Variants in ZMAT5 observed in about 807,000 individuals in gnomAD.
The protein encoded by ZMAT5 is zinc finger matrin-type protein 5.
ZMAT5 carries 23 observed loss-of-function variants against 28.0 expected under a neutral mutation model. That is an observed-to-expected ratio of 0.82 (90% CI 0.59 to 1.16). The LOEUF is 1.16. ZMAT5 is among the 50% of genes most tolerant of loss of function. ZMAT5 has a pLI of 0.00. For synonymous variants in ZMAT5, 76 were observed against 84.1 expected (o/e 0.90, Z 0.52); for missense variants, 173 against 212.7 (o/e 0.81, Z 1.16).
At chr22:29,741,834 G>C (rs1367633992) in intron 3 of ZMAT5, among the ~76,000 whole-genome samples, 1 of 151,964 alleles carries the variant, frequency 6.6e-6, no homozygotes, top group African/African-American at 2.4e-5. Context: ...AAATTTTTTT[G>C]GTAGAGATGG....
chr22:29,741,774 C>T (rs184627878), intron 3 of ZMAT5, among the ~76,000 whole-genome samples: 1 of 152,214 alleles, frequency 6.6e-6, no homozygotes, highest in African/African-American at 2.4e-5. Context: ...CTCAACCTCC[C>T]TAGTAGCTGG....
intron 5 of ZMAT5, among the ~76,000 whole-genome samples, chr22:29,736,400 A>G (rs1006361131): frequency 1.3e-5 from 2 of 152,244 alleles, no homozygotes; most frequent in African/African-American, 4.8e-5. Context: ...ATTTAAAATA[A>G]AGGTAAAAGA....
chr22:29,759,310 C>T lies in ZMAT5; in HGVS notation c.-28+7562G>A, dbSNP rs112037241. ...CACCAAATATCATCTGATCCTCTAT[C>T]TCCACTGTCACTACTGCCCAAGAAA... On this transcript the variant is annotated intron_variant, in intron 1 of 5. Coordinates refer to ENST00000344318, the MANE Select transcript of ZMAT5 (RefSeq NM_001003692.2). 1.7e-3 allele frequency among the ~76,000 whole-genome samples: 264 copies of T among 152,312 alleles called. No homozygotes were observed. In the Middle Eastern group the frequency reaches 0.027, roughly 16 times the overall value.
At chr22:29,748,038 T>C in intron 2 of ZMAT5, 1 of 307,640 alleles carries the variant, frequency 3.3e-6, no homozygotes, top group Non-Finnish European at 6.4e-6. Flanking sequence ...GCCCTACCAT[T>C]CTCCCCTGGC....
At chr22:29,755,488 G>C (rs1569340130) in intron 1 of ZMAT5, among the ~76,000 whole-genome samples, 1 of 152,112 alleles carries the variant, frequency 6.6e-6, no homozygotes, top group Non-Finnish European at 1.5e-5. Context: ...GTGGCAGAGA[G>C]GAGAAAAGAG....
At chr22:29,764,604 G>A (rs1445044549) in intron 1 of ZMAT5, among the ~76,000 whole-genome samples, 7 of 152,104 alleles carry the variant, frequency 4.6e-5, no homozygotes, top group African/African-American at 1.2e-4. Flanking sequence ...AGGTTCAAGC[G>A]ATTCTCCTGC....
intron 1 of ZMAT5, among the ~76,000 whole-genome samples, chr22:29,754,828 T>C (rs572638512): frequency 2.3e-4 from 35 of 152,078 alleles, no homozygotes; most frequent in African/African-American, 3.6e-4. Context: ...CCAGCTGAGA[T>C]TGCGCCACTA....
intron 1 of ZMAT5, among the ~76,000 whole-genome samples, chr22:29,751,690 C>T (rs1486389383): frequency 6.6e-6 from 1 of 152,172 alleles, no homozygotes; most frequent in African/African-American, 2.4e-5. Context: ...CTCCTGATCA[C>T]ATAATGAAAG....
chr22:29,740,808 C>A (rs1239623450), intron 3 of ZMAT5, 78 bp from the exon 4 acceptor site: 2 of 1,348,556 alleles, frequency 1.5e-6, no homozygotes, highest in Admixed American at 2.0e-5. Flanking sequence ...GATGAGGGAT[C>A]CCAGAATCTT....
intron 1 of ZMAT5, among the ~76,000 whole-genome samples, chr22:29,752,216 G>C (rs1271517813): frequency 6.6e-6 from 1 of 152,160 alleles, no homozygotes; most frequent in East Asian, 1.9e-4. Flanking sequence ...TCTTCATGCT[G>C]CCGTGCTAGC....
intron 2 of ZMAT5, among the ~76,000 whole-genome samples, chr22:29,743,255 A>G (rs1461531837): frequency 1.3e-5 from 2 of 152,190 alleles, no homozygotes; most frequent in Non-Finnish European, 2.9e-5. Context: ...GGATCCAGGC[A>G]CTGCTCCACA....
chr22:29,746,926 G>A (rs1037301334), intron 2 of ZMAT5: 2 of 152,136 alleles, frequency 1.3e-5, no homozygotes, highest in Non-Finnish European at 2.9e-5. Context: ...AGGGAGCTAG[G>A]AGACCCCACT....
intron 1 of ZMAT5, among the ~76,000 whole-genome samples, chr22:29,754,071 C>T (rs1454194621): frequency 1.3e-5 from 2 of 152,090 alleles, no homozygotes; most frequent in African/African-American, 4.8e-5. Flanking sequence ...GCAACCTGCA[C>T]CACCGTACTT....
chr22:29,742,590 G>T, intron 2 of ZMAT5, 110 bp from the exon 3 acceptor site: 1 of 1,019,358 alleles, frequency 9.8e-7, no homozygotes, highest in Non-Finnish European at 1.5e-6. Context: ...CAGCTGTGCA[G>T]AAAGAAGAGT....
chr22:29,756,534 C>T (rs564376252), intron 1 of ZMAT5, among the ~76,000 whole-genome samples: 3 of 152,234 alleles, frequency 2.0e-5, no homozygotes, highest in African/African-American at 7.2e-5. Context: ...CAGCGAGGGG[C>T]CCACCCACTG....
At chr22:29,737,047 G>A (rs563996095) in intron 5 of ZMAT5, among the ~76,000 whole-genome samples, 2 of 140,304 alleles carry the variant, frequency 1.4e-5, no homozygotes, top group African/African-American at 5.4e-5. Context: ...AAAAAGCCGA[G>A]TGTGGTGGCT....
intron 5 of ZMAT5, chr22:29,731,865 T>C (rs964036441): frequency 6.6e-6 from 1 of 152,260 alleles, no homozygotes; most frequent in African/African-American, 2.4e-5. Flanking sequence ...AGTGGTGCCA[T>C]TATGGGTGAC....
intron 1 of ZMAT5, among the ~76,000 whole-genome samples, chr22:29,759,552 G>A (rs1438582209): frequency 1.3e-5 from 2 of 152,226 alleles, no homozygotes; most frequent in East Asian, 3.9e-4. Context: ...ATCAGTTGAG[G>A]TCACGAGTTC....
In ZMAT5 at chr22:29,754,008, C is replaced by T. The variant is rs543822984; in HGVS notation, c.-27-5437G>A. 2.0e-5 allele frequency among the ~76,000 whole-genome samples: 3 copies of T among 152,082 alleles called. No individual in the cohort carries two copies. In the East Asian group the frequency reaches 5.8e-4, roughly 30 times the overall value. ...ACACACAACTTGGCAAGCAGAATGC[C>T]GGCTGGAGTTCAGCTCCAGCTCACC... On this transcript the variant is annotated intron_variant, in intron 1 of 5. Transcript: ENST00000344318.
Sources: allele counts gnomAD v4.1 joint callset (sites outside exome capture counted in the v4.1 genomes callset), GRCh38; gene constraint gnomAD v4.1.1; transcripts MANE v1.5; gene names NCBI Gene and HGNC (gene_info 2026-07-23, HGNC 2026-07-21).